Variants in VAC14 observed in about 807,000 individuals in gnomAD.
VAC14 encodes the protein protein VAC14 homolog.
Under a neutral mutation model 85.3 loss-of-function variants are expected in VAC14, and 47 were observed. The ratio of observed to expected loss-of-function variants is 0.55; its 90% CI spans 0.44 to 0.70. The LOEUF is 0.70. Among genes scored for constraint, VAC14 ranks in the 30% least tolerant of loss-of-function variants. VAC14 has a pLI of 0.00. For synonymous variants in VAC14, 447 were observed against 430.5 expected, an observed-to-expected ratio of 1.04 and a Z score of -0.47; for missense variants, 861 against 1,004.3, an observed-to-expected ratio of 0.86 and a Z score of 1.93.
chr16:70,710,803 G>A (rs1278232674), intron 14 of VAC14, among the ~76,000 whole-genome samples: 2 of 152,354 alleles, frequency 1.3e-5, no homozygotes, highest in African/African-American at 4.8e-5. Context: ...CCATAGCCCC[G>A]TGTCAACATT....
intron 10 of VAC14, chr16:70,771,078 A>ACCAT (rs2033184478): frequency 6.6e-6 from 1 of 152,212 alleles, no homozygotes; most frequent in Non-Finnish European, 1.5e-5. Flanking sequence ...TATGAGACCC[A>ACCAT]CCATCCACTC....
At chr16:70,709,356 C>T (rs1044588784) in intron 14 of VAC14, among the ~76,000 whole-genome samples, 18 of 152,136 alleles carry the variant, frequency 1.2e-4, no homozygotes, top group African/African-American at 4.1e-4. Context: ...CAGTTTGGAC[C>T]TCCTGAGCTG....
chr16:70,799,590 C>T (rs142203872), intron 1 of VAC14, among the ~76,000 whole-genome samples: 12 of 152,294 alleles, frequency 7.9e-5, no homozygotes, highest in Non-Finnish European at 1.6e-4. Context: ...ATTGTTACAA[C>T]GGATGGAGTG....
chr16:70,722,393 T>C (rs575299565), intron 14 of VAC14, among the ~76,000 whole-genome samples: 6 of 152,334 alleles, frequency 3.9e-5, no homozygotes, highest in Admixed American at 2.6e-4. Flanking sequence ...TCCTTCCCCA[T>C]GGAAGAGGTG....
intron 18 of VAC14, chr16:70,690,149 G>A (rs1038441050): frequency 7.1e-6 from 7 of 985,606 alleles, no homozygotes; most frequent in Non-Finnish European, 7.2e-6. Flanking sequence ...GGGGTGGGAA[G>A]AGTGGGCCAC....
chr16:70,705,562 C>T (rs1434627236), intron 14 of VAC14, among the ~76,000 whole-genome samples: 4 of 152,222 alleles, frequency 2.6e-5, no homozygotes, highest in African/African-American at 4.8e-5. Flanking sequence ...CCACCAGCAG[C>T]GTGGAAAACA....
intron 12 of VAC14, among the ~76,000 whole-genome samples, chr16:70,750,238 T>C (rs191678694): frequency 3.3e-5 from 5 of 152,330 alleles, no homozygotes; most frequent in Admixed American, 2.0e-4. Context: ...CCTGTAGTCC[T>C]GGCTCTGACG....
Position 70,697,350 on chromosome 16 carries a change from A to C in VAC14, c.1837-93T>G, listed in dbSNP as rs1001468652. 2.9e-6 allele frequency: 3 copies of C among 1,025,728 alleles called. No individual in the cohort carries two copies. In the African/African-American group the frequency reaches 4.8e-5, roughly 16 times the overall value. The allele number at this position is 1,025,728 out of a possible 1,614,324, so 63.5% of individuals were successfully genotyped here. On this transcript the variant is annotated intron_variant, in intron 15 of 18. Coordinates refer to ENST00000261776, the MANE Select transcript of VAC14 (RefSeq NM_018052.5). ...ACCTGAGGGAAGGGCCACAGGTCTA[A>C]GTCCCAGGGGCCTTCAGTCGGGGGC...
chr16:70,772,008 G>A, intron 10 of VAC14, 101 bp downstream of exon 10: 1 of 1,060,420 alleles, frequency 9.4e-7, no homozygotes, highest in South Asian at 1.3e-5. Flanking sequence ...CAGCAGCCGC[G>A]AGTAGAATTT....
chr16:70,795,670 G>A (rs2034516851), intron 1 of VAC14, among the ~76,000 whole-genome samples: 2 of 152,176 alleles, frequency 1.3e-5, no homozygotes, highest in African/African-American at 2.4e-5. Context: ...GCAGGGAGGC[G>A]TGATTCAGGA....
chr16:70,731,236 G>T, intron 14 of VAC14: 1 of 1,191,998 alleles, frequency 8.4e-7, no homozygotes, highest in Non-Finnish European at 1.1e-6. Flanking sequence ...TTCCACCTCA[G>T]GGGAAGATAG....
At chr16:70,702,177 C>T (rs1274228528) in intron 14 of VAC14, among the ~76,000 whole-genome samples, 1 of 152,248 alleles carries the variant, frequency 6.6e-6, no homozygotes, top group Non-Finnish European at 1.5e-5. Flanking sequence ...GCTGTGCAAA[C>T]ACCAGTGTGT....
chr16:70,749,464 A>G (rs1480124131), intron 12 of VAC14, among the ~76,000 whole-genome samples: 1 of 152,056 alleles, frequency 6.6e-6, no homozygotes. Context: ...AATCCCAGCC[A>G]CTCCTCTTGT....
intron 12 of VAC14, among the ~76,000 whole-genome samples, chr16:70,752,326 A>T (rs893443085): frequency 3.3e-5 from 5 of 152,226 alleles, no homozygotes; most frequent in Non-Finnish European, 5.9e-5. Context: ...TCTTAGGGTA[A>T]AGGAGAAAAG....
chr16:70,768,626 A>C (rs559993754), intron 10 of VAC14: 1 of 322,744 alleles, frequency 3.1e-6, no homozygotes, highest in African/African-American at 2.3e-5. Flanking sequence ...GTATCGCAGG[A>C]AGAGGGGAGA....
chr16:70,733,286 G>T (rs948570219), intron 13 of VAC14, among the ~76,000 whole-genome samples: 37 of 152,098 alleles, frequency 2.4e-4, no homozygotes, highest in African/African-American at 8.5e-4. Flanking sequence ...CTATGTTGTA[G>T]TATGTATCAG....
At chr16:70,706,981 G>C (rs546368625) in intron 14 of VAC14, among the ~76,000 whole-genome samples, 1 of 152,280 alleles carries the variant, frequency 6.6e-6, no homozygotes, top group South Asian at 2.1e-4. Flanking sequence ...CACCGGAAAA[G>C]GGCCTCCTCC....
At chr16:70,754,799 G>A (rs1219238747) in intron 12 of VAC14, among the ~76,000 whole-genome samples, 2 of 152,212 alleles carry the variant, frequency 1.3e-5, no homozygotes, top group African/African-American at 4.8e-5. Flanking sequence ...AATTGAGGTG[G>A]GGGTGGAGGG....
intron 14 of VAC14, 129 bp downstream of exon 14, chr16:70,731,366 G>A (rs936087192): frequency 6.6e-7 from 1 of 1,504,010 alleles, no homozygotes. Context: ...ATTTCTTACA[G>A]ATCCAAAGGT....
Sources: allele counts gnomAD v4.1 joint callset (sites outside exome capture counted in the v4.1 genomes callset), GRCh38; gene constraint gnomAD v4.1.1; transcripts MANE v1.5; gene names NCBI Gene and HGNC (gene_info 2026-07-23, HGNC 2026-07-21).